The following CNTNAP2 variants were observed in gnomAD, a reference collection of about 807,000 sequenced individuals.
The protein encoded by CNTNAP2 is contactin associated protein 2.
A neutral mutation model predicts 155.2 loss-of-function variants in CNTNAP2; 98 were observed. The observed-to-expected ratio is 0.63, with a 90% CI of 0.54 to 0.75. The LOEUF (loss-of-function observed/expected upper bound fraction) is 0.75. CNTNAP2 is among the 30% of genes least tolerant of loss of function. The pLI is 0.00. For synonymous variants in CNTNAP2, 651 were observed against 631.2 expected, an observed-to-expected ratio of 1.03 and a Z score of -0.47; for missense variants, 1,727 against 1,688.1, an observed-to-expected ratio of 1.02 and a Z score of -0.40.
chr7:148,277,582 C>T (rs1406368101), intron 21 of CNTNAP2, among the ~76,000 whole-genome samples: 1 of 135,782 alleles, frequency 7.4e-6, no homozygotes, highest in East Asian at 2.3e-4. Context: ...CATGTTAGTA[C>T]AGGACCGCCC....
chr7:147,029,825 A>G (rs62484001), intron 3 of CNTNAP2, among the ~76,000 whole-genome samples: 6,761 of 152,302 alleles, frequency 0.044, 185 homozygotes, highest in African/African-American at 0.068. Flanking sequence ...TTTGAAAAAG[A>G]TAAAATTGAA....
At chr7:148,413,085 A>G (rs1036460070) in intron 23 of CNTNAP2, among the ~76,000 whole-genome samples, 2 of 152,046 alleles carry the variant, frequency 1.3e-5, no homozygotes, top group African/African-American at 4.8e-5. Context: ...TTGATTTGCT[A>G]AAATTCTATT....
At chr7:147,404,278 T>C (rs984354673) in intron 10 of CNTNAP2, among the ~76,000 whole-genome samples, 7 of 152,204 alleles carry the variant, frequency 4.6e-5, no homozygotes, top group African/African-American at 1.7e-4. Flanking sequence ...TGAAGCTAAT[T>C]CTGAAAGAAC....
chr7:147,793,131 G>A lies in CNTNAP2; in HGVS notation c.2099-110434G>A, dbSNP rs189855751. Among the ~76,000 whole-genome samples the A allele has an allele frequency of 5.4e-3, 826 of 152,104 alleles. 3 individuals carry two copies. Among genetic ancestry groups the A allele is most frequent in the Non-Finnish European group, 5.6e-3 (380 of 67,950 alleles). On this transcript the variant is annotated intron_variant, in intron 13 of 23. Coordinates refer to ENST00000361727, the MANE Select transcript of CNTNAP2 (RefSeq NM_014141.6). ...GGTTTTCAAAAAATTTATCATCTGT[G>A]TGTTGTCTTTTTACATTATTAACAG...
At chr7:148,125,152 G>A (rs367949697) in intron 16 of CNTNAP2, among the ~76,000 whole-genome samples, 1 of 152,022 alleles carries the variant, frequency 6.6e-6, no homozygotes, top group East Asian at 1.9e-4. Context: ...TAAAATGAAC[G>A]TAAGAAGAAG....
chr7:146,121,289 C>T (rs550444487), intron 1 of CNTNAP2, among the ~76,000 whole-genome samples: 40 of 151,746 alleles, frequency 2.6e-4, no homozygotes, highest in African/African-American at 5.6e-4. Context: ...CCACCATGCC[C>T]GGCTAATTTT....
intron 15 of CNTNAP2, among the ~76,000 whole-genome samples, chr7:148,027,986 C>T (rs528059967): frequency 2.6e-5 from 4 of 152,218 alleles, no homozygotes; most frequent in South Asian, 2.1e-4. Context: ...GATATCAAAT[C>T]GAGGCATGTA....
intron 1 of CNTNAP2, among the ~76,000 whole-genome samples, chr7:146,189,119 A>C (rs1193410977): frequency 4.6e-5 from 7 of 152,300 alleles, no homozygotes; most frequent in Middle Eastern, 3.4e-3. Flanking sequence ...AAATCAAAGA[A>C]TGAGAAATGC....
intron 1 of CNTNAP2, among the ~76,000 whole-genome samples, chr7:146,445,266 T>C (rs368855670): frequency 2.6e-5 from 4 of 152,286 alleles, no homozygotes; most frequent in African/African-American, 9.6e-5. Flanking sequence ...TAACTGTAAA[T>C]GGGGCAAAAT....
chr7:147,983,438 A>T (rs868706198), intron 15 of CNTNAP2, among the ~76,000 whole-genome samples: 52 of 145,734 alleles, frequency 3.6e-4, no homozygotes, highest in East Asian at 1.0e-3. Flanking sequence ...GTTGACAAAA[A>T]AAAAATAAAA....
At chr7:147,570,586 A>C (rs1800269643) in intron 12 of CNTNAP2, among the ~76,000 whole-genome samples, 2 of 152,240 alleles carry the variant, frequency 1.3e-5, no homozygotes, top group East Asian at 3.9e-4. Flanking sequence ...ACCTGCATAC[A>C]TAATTGAGGG....
intron 1 of CNTNAP2, among the ~76,000 whole-genome samples, chr7:146,230,116 G>C (rs1399101302): frequency 6.6e-6 from 1 of 152,110 alleles, no homozygotes; most frequent in Admixed American, 6.5e-5. Flanking sequence ...ATAAAAAATT[G>C]TATTAAATTT....
chr7:147,826,989 G>A (rs910669243), intron 13 of CNTNAP2, among the ~76,000 whole-genome samples: 1 of 146,774 alleles, frequency 6.8e-6, no homozygotes, highest in African/African-American at 2.6e-5. Flanking sequence ...GGAGTGCAGT[G>A]GTGCAATCTC....
At chr7:146,853,048 A>T (rs1384847133) in intron 3 of CNTNAP2, among the ~76,000 whole-genome samples, 1 of 152,238 alleles carries the variant, frequency 6.6e-6, no homozygotes, top group Non-Finnish European at 1.5e-5. Context: ...CAGGCTCTTT[A>T]CATTCAGCCT....
chr7:146,973,308 G>A (rs369029719), intron 3 of CNTNAP2, among the ~76,000 whole-genome samples: 55 of 152,214 alleles, frequency 3.6e-4, no homozygotes, highest in African/African-American at 1.0e-3. Flanking sequence ...GATTACAGGC[G>A]TGAGCCACCG....
chr7:148,406,613 A>G (rs1293167859), intron 22 of CNTNAP2, among the ~76,000 whole-genome samples: 1 of 152,192 alleles, frequency 6.6e-6, no homozygotes, highest in African/African-American at 2.4e-5. Flanking sequence ...TTTTAACTAG[A>G]CTATTCACAA....
chr7:147,864,871 A>G (rs1293346783), intron 13 of CNTNAP2, among the ~76,000 whole-genome samples: 2 of 152,196 alleles, frequency 1.3e-5, no homozygotes, highest in African/African-American at 4.8e-5. Flanking sequence ...GTCATCTGCA[A>G]ACAGGGACAA....
intron 12 of CNTNAP2, among the ~76,000 whole-genome samples, chr7:147,566,698 A>G (rs891748750): frequency 2.6e-5 from 4 of 152,130 alleles, no homozygotes; most frequent in African/African-American, 9.7e-5. Flanking sequence ...CCATAATCCA[A>G]TCACCTCTCA....
chr7:146,182,666 C>A (rs773160965), intron 1 of CNTNAP2, among the ~76,000 whole-genome samples: 15 of 152,164 alleles, frequency 9.9e-5, no homozygotes, highest in Non-Finnish European at 2.1e-4. Context: ...GCAGATTAAT[C>A]CTTTTCTAAC....
Sources: allele counts gnomAD v4.1 joint callset (sites outside exome capture counted in the v4.1 genomes callset), GRCh38; gene constraint gnomAD v4.1.1; transcripts MANE v1.5; gene names NCBI Gene and HGNC (gene_info 2026-07-23, HGNC 2026-07-21).